MYL4: variants seen among roughly 807,000 people sequenced by gnomAD.
The protein encoded by MYL4 is myosin light chain 4, also known as atrial myosin light chain 1.
A neutral mutation model predicts 21.6 loss-of-function variants in MYL4; 16 were observed. The observed-to-expected ratio is 0.74, with a 90% confidence interval of 0.50 to 1.12. The LOEUF is 1.12. Ranked by LOEUF, MYL4 falls within the 50% of genes most tolerant of loss-of-function variation. The pLI is 0.00. For missense variants in MYL4, 249 were observed against 252.9 expected, an observed-to-expected ratio of 0.98 and a Z score of 0.11; for synonymous variants, 82 against 95.7, an observed-to-expected ratio of 0.86 and a Z score of 0.83.
At chr17:47,197,343 C>T (rs2064693246), upstream of MYL4, among the ~76,000 whole-genome samples, 1 of 152,108 alleles carries the variant, frequency 6.6e-6, no homozygotes, top group African/African-American at 2.4e-5. Context: ...CGTGATCTGC[C>T]AGCCTTGGCC....
At chr17:47,204,380 T>G (rs2064719737), upstream of MYL4, among the ~76,000 whole-genome samples, 1 of 152,234 alleles carries the variant, frequency 6.6e-6, no homozygotes, top group Admixed American at 6.5e-5. Flanking sequence ...GTAACTCTTC[T>G]GCGGGTGATC....
intron 3 of MYL4, among the ~76,000 whole-genome samples, chr17:47,221,391 G>A (rs969370028): frequency 6.6e-6 from 1 of 152,298 alleles, no homozygotes; most frequent in Admixed American, 6.5e-5. Context: ...CCGCTTGGCT[G>A]GCCACCTGGT....
upstream of MYL4, among the ~76,000 whole-genome samples, chr17:47,198,386 A>C (rs1264473950): frequency 1.3e-5 from 2 of 152,080 alleles, no homozygotes; most frequent in Non-Finnish European, 2.9e-5. Flanking sequence ...GAAGTGACGT[A>C]TATACCTGAC....
chr17:47,200,641 A>T (rs4968308), intron 1 of MYL4: 62,216 of 152,026 alleles, frequency 0.41, 13,132 homozygotes, highest in East Asian at 0.66. Context: ...TCTGCCAAAC[A>T]CCAGCTATCC....
upstream of MYL4, among the ~76,000 whole-genome samples, chr17:47,208,331 GGCTGAGGTGGGAGAATC>G: frequency 6.6e-6 from 1 of 152,290 alleles, no homozygotes; most frequent in East Asian, 1.9e-4. Flanking sequence ...CTACTCGGAA[GGCTGAGGTGGGAGAATC>G]GCTTGAGCCA....
Position 47,213,842 on chromosome 17 carries a change from C to T in MYL4, c.163+16C>T, listed in dbSNP as rs1598654437. ...CAGATTGAAGGTGAGTATGGACAACCCCACCTCTCCGTCTCTATTGCACTT... is the reference window on the plus strand; with the variant it reads ...CAGATTGAAGGTGAGTATGGACAACTCCACCTCTCCGTCTCTATTGCACTT... On this transcript the variant is annotated intron_variant, in intron 2 of 6. Transcript: ENST00000393450. 1 of 1,613,346 alleles carries T rather than the reference C, an allele frequency of 6.2e-7. No individual in the cohort carries two copies. The highest frequency in any genetic ancestry group is 1.7e-5 in the Admixed American group (1 of 59,988).
upstream of MYL4, among the ~76,000 whole-genome samples, chr17:47,196,861 A>C (rs1361616614): frequency 2.0e-5 from 3 of 152,094 alleles, no homozygotes; most frequent in Non-Finnish European, 1.5e-5. Context: ...CTGCACAAAT[A>C]TTATAAAATA....
At chr17:47,191,444 G>T in the MYL4 span, among the ~76,000 whole-genome samples, 2 of 152,134 alleles carry the variant, frequency 1.3e-5, no homozygotes, top group Non-Finnish European at 2.9e-5. Flanking sequence ...ATCTGGACAC[G>T]TCTATTAAAG....
intron 1 of MYL4, among the ~76,000 whole-genome samples, chr17:47,212,317 A>G (rs1325404670): frequency 6.6e-6 from 1 of 152,208 alleles, no homozygotes; most frequent in African/African-American, 2.4e-5. Context: ...TATGCATTAT[A>G]TGGGGGAAAT....
At chr17:47,218,762 G>T (rs2064833091) in intron 2 of MYL4, among the ~76,000 whole-genome samples, 1 of 152,196 alleles carries the variant, frequency 6.6e-6, no homozygotes, top group African/African-American at 2.4e-5. Flanking sequence ...ACTCCAGCCT[G>T]GGTGACAGAG....
At chr17:47,200,299 G>A (rs1375497302), upstream of MYL4, 1 of 152,030 alleles carries the variant, frequency 6.6e-6, no homozygotes, top group African/African-American at 2.4e-5. Flanking sequence ...TGCTGAGAAA[G>A]GATTTAGGCT....
upstream of MYL4, among the ~76,000 whole-genome samples, chr17:47,196,813 G>A (rs116947029): frequency 6.2e-3 from 944 of 152,116 alleles, 3 homozygotes; most frequent in Non-Finnish European, 9.1e-3. Flanking sequence ...CAGGGACCTT[G>A]GTTTGAACAT....
At chr17:47,220,126 C>A in intron 3 of MYL4, 73 bp downstream of exon 3, 1 of 1,484,462 alleles carries the variant, frequency 6.7e-7, no homozygotes, top group Non-Finnish European at 9.0e-7. Flanking sequence ...TTGTCCAGAT[C>A]TTCTCTGCCA....
At chr17:47,203,403 CA>C (rs2064716424) in intron 1 of MYL4, among the ~76,000 whole-genome samples, 1 of 151,956 alleles carries the variant, frequency 6.6e-6, no homozygotes, top group Non-Finnish European at 1.5e-5. Flanking sequence ...ATTTGTTTCC[CA>C]GCTATATCTA....
intron 1 of MYL4, among the ~76,000 whole-genome samples, chr17:47,201,497 C>G (rs2064709641): frequency 6.6e-6 from 1 of 151,222 alleles, no homozygotes; most frequent in African/African-American, 2.4e-5. Context: ...GCTCTTGTTG[C>G]CCAGGCTGCA....
At position 47,221,742 on chromosome 17, in the gene MYL4, G is replaced by T; in HGVS notation, c.374G>T (p.Arg125Leu). ...TFLPILQHIS[R>L]NKEQGTYEDF... Reference sequence around the variant, plus strand: ...TTGCCCATCCTGCAGCACATTTCCCGCAACAAGGAGCAGGGCACCTATGAG... The same window carrying T: ...TTGCCCATCCTGCAGCACATTTCCCTCAACAAGGAGCAGGGCACCTATGAG... The change falls in exon 4 of 7, where the codon CGC becomes CTC. Residue 125 changes from arginine (R) to leucine (L), a missense_variant. Transcript: ENST00000393450. The T allele has an allele frequency of 6.2e-7, 1 of 1,614,114 alleles. No homozygotes were observed. Among genetic ancestry groups the T allele is most frequent in the Non-Finnish European group, 8.5e-7 (1 of 1,179,998 alleles).
intron 1 of MYL4, among the ~76,000 whole-genome samples, chr17:47,212,011 G>A (rs2064779477): frequency 6.6e-6 from 1 of 152,176 alleles, no homozygotes; most frequent in Admixed American, 6.5e-5. Flanking sequence ...GATCACCTGA[G>A]GTCAGGAGTT....
intron 6 of MYL4, 191 bp from the exon 7 acceptor site, chr17:47,223,318 T>C (rs2064870481): frequency 2.1e-6 from 1 of 468,758 alleles, no homozygotes; most frequent in South Asian, 3.6e-5. Flanking sequence ...CCCTCAGGCC[T>C]GGGGCCTCCT....
chr17:47,219,856 C>T (rs1005721186), intron 2 of MYL4, 48 bp from the exon 3 acceptor site: 9 of 1,612,326 alleles, frequency 5.6e-6, no homozygotes, highest in Non-Finnish European at 7.6e-6. Context: ...CCACCAGCCA[C>T]CACCTTCACT....
Sources: allele counts gnomAD v4.1 joint callset (sites outside exome capture counted in the v4.1 genomes callset), GRCh38; gene constraint gnomAD v4.1.1; transcripts MANE v1.5; gene names NCBI Gene and HGNC (gene_info 2026-07-23, HGNC 2026-07-21).